Variants in IGF2BP1 observed in about 807,000 individuals in gnomAD.
The protein encoded by IGF2BP1 is insulin-like growth factor 2 mRNA-binding protein 1.
IGF2BP1 carries 11 observed loss-of-function variants against 74.9 expected under a neutral mutation model. The observed-to-expected ratio is 0.15, with a 90% confidence interval of 0.09 to 0.24. The LOEUF (loss-of-function observed/expected upper bound fraction) is 0.24. Ranked by LOEUF, IGF2BP1 falls within the 10% of genes least tolerant of loss-of-function variation. The probability of loss-of-function intolerance (pLI) is 1.00; values close to 1 mark genes in which losing one functional copy is unlikely to be tolerated. For missense variants in IGF2BP1, 440 were observed against 757.4 expected (o/e 0.58, Z 4.92); for synonymous variants, 287 against 281.8 (o/e 1.02, Z -0.18).
At chr17:49,007,177 T>C (rs946532533) in intron 2 of IGF2BP1, among the ~76,000 whole-genome samples, 3 of 152,112 alleles carry the variant, frequency 2.0e-5, no homozygotes, top group African/African-American at 7.2e-5. Flanking sequence ...TCTGCTGGGA[T>C]GGGTATGTTC....
intron 4 of IGF2BP1, among the ~76,000 whole-genome samples, chr17:49,026,808 A>G (rs1233568935): frequency 3.3e-5 from 5 of 151,648 alleles, no homozygotes; most frequent in Admixed American, 2.6e-4. Flanking sequence ...AAGTGGCGCA[A>G]TCTCGGCTCA....
intron 2 of IGF2BP1, among the ~76,000 whole-genome samples, chr17:49,019,089 A>T (rs1205532415): frequency 6.6e-6 from 1 of 151,866 alleles, no homozygotes; most frequent in East Asian, 1.9e-4. Flanking sequence ...CCCTCTAGGG[A>T]GGGGTGAGGG....
intron 2 of IGF2BP1, among the ~76,000 whole-genome samples, chr17:49,017,237 T>C (rs2088140): frequency 0.58 from 88,300 of 151,784 alleles, 26,790 homozygotes; most frequent in African/African-American, 0.74. Flanking sequence ...AGTGAGCAGC[T>C]CTCCCTCACT....
At chr17:49,032,147 G>T (rs980578745) in intron 5 of IGF2BP1, among the ~76,000 whole-genome samples, 174 bp downstream of exon 5, 2 of 152,044 alleles carry the variant, frequency 1.3e-5, no homozygotes, top group African/African-American at 2.4e-5. Context: ...TTCTTCAGGG[G>T]GTCTCCTTCA....
At chr17:49,040,616 T>A (rs1296505587) in intron 7 of IGF2BP1, among the ~76,000 whole-genome samples, 2 of 152,280 alleles carry the variant, frequency 1.3e-5, no homozygotes, top group African/African-American at 2.4e-5. Context: ...TGTGTGCCTG[T>A]GTGTATTCAC....
intron 2 of IGF2BP1, among the ~76,000 whole-genome samples, chr17:49,015,656 A>G (rs1213630349): frequency 6.6e-6 from 1 of 152,142 alleles, no homozygotes; most frequent in Admixed American, 6.5e-5. Context: ...CTGTGCTTCC[A>G]CATGACCACT....
chr17:49,014,894 C>G (rs769937710), intron 2 of IGF2BP1: 1 of 985,362 alleles, frequency 1.0e-6, no homozygotes, highest in Non-Finnish European at 1.2e-6. Flanking sequence ...TCTCCTGGCT[C>G]CTGAGAGGGC....
chr17:48,999,392 T>C (rs2041456676), intron 2 of IGF2BP1, among the ~76,000 whole-genome samples: 1 of 151,806 alleles, frequency 6.6e-6, no homozygotes, highest in South Asian at 2.1e-4. Context: ...TGGGGTAGGC[T>C]AAAAGATGTT....
rs2042180860 is a variant in IGF2BP1 at position 49,052,676 on chromosome 17, G to A, written c.*3232G>A. 6.6e-6 allele frequency: 1 copy of A among 152,536 alleles called. No individual in the cohort carries two copies. Among genetic ancestry groups the A allele is most frequent in the South Asian group, 2.1e-4 (1 of 4,820 alleles). 9.4% of individuals were successfully genotyped at this position (152,536 alleles called of 1,614,324 possible). On this transcript the variant is annotated 3_prime_UTR_variant, in exon 15 of 15. Coordinates refer to ENST00000290341, the MANE Select transcript of IGF2BP1 (RefSeq NM_006546.4). ...GGGCCGGGCCCTCTTGTGCCCCGTA[G>A]GCTAGGTCTTAGGGCAACTCCTTGC... is the stretch of plus-strand genomic sequence containing the variant.
At chr17:49,006,898 G>A (rs115591130) in intron 2 of IGF2BP1, among the ~76,000 whole-genome samples, 2,323 of 152,266 alleles carry the variant, frequency 0.015, 53 homozygotes, top group African/African-American at 0.053. Flanking sequence ...GAGATGAGGC[G>A]AGCATGGTGG....
intron 2 of IGF2BP1, among the ~76,000 whole-genome samples, chr17:49,019,782 C>T (rs1463603554): frequency 2.0e-5 from 3 of 150,444 alleles, no homozygotes; most frequent in Admixed American, 6.6e-5. Flanking sequence ...CTCACTCTCT[C>T]ACCCAGGCCG....
chr17:48,997,763 C>CG lies in IGF2BP1; in HGVS notation c.20dup (p.Asn8GlnfsTer64). On this transcript the variant is annotated frameshift_variant, in exon 1 of 15. Transcript: ENST00000290341. LOFTEE classifies it high-confidence loss of function. The surrounding 1 kb of genome is among the most constrained non-coding windows in gnomAD (Gnocchi z 4.8). ...CCGCCACCATGAACAAGCTTTACATCGGCAACCTCAACGAGAGCGTGACCC... is the reference window on the plus strand; with the variant it reads ...CCGCCACCATGAACAAGCTTTACATCGGGCAACCTCAACGAGAGCGTGACCC... The CG allele has an allele frequency of 6.2e-7, 1 of 1,613,870 alleles. No homozygotes were observed. The highest frequency in any genetic ancestry group is 8.5e-7 in the Non-Finnish European group (1 of 1,179,858).
In IGF2BP1 at chr17:49,049,819, A is replaced by C; in HGVS notation, c.*375A>C. On this transcript the variant is annotated 3_prime_UTR_variant, in exon 15 of 15. Coordinates refer to ENST00000290341, the MANE Select transcript of IGF2BP1 (RefSeq NM_006546.4). ...GCAGAGAGGTGTTTTAATCAGCCTT[A>C]AAGGATGGTTCATTTCTTGACCTTA... is the stretch of plus-strand genomic sequence containing the variant. 6.1e-6 allele frequency: 1 copy of C among 165,128 alleles called. No homozygotes were observed. The highest frequency in any genetic ancestry group is 1.3e-5 in the Non-Finnish European group (1 of 76,400). The allele number at this position is 165,128 out of a possible 1,614,324, so 10.2% of individuals were successfully genotyped here.
Position 49,046,340 on chromosome 17 carries a change from C to T in IGF2BP1, c.1608C>T (p.Ile536=). 2 of 1,614,008 alleles carry T rather than the reference C, an allele frequency of 1.2e-6. No individual in the cohort carries two copies. The highest frequency in any genetic ancestry group is 1.3e-5 in the African/African-American group (1 of 74,996). Reference sequence around the variant, plus strand: ...CCCCTGATGAGAACGACCAGGTCATCGTGAAAATCATCGGACATTTCTATG... The same window carrying T: ...CCCCTGATGAGAACGACCAGGTCATTGTGAAAATCATCGGACATTTCTATG... ...DQTPDENDQV[I]VKIIGHFYAS... is the part of the protein sequence containing the mutation. The change falls in exon 14 of 15, where the codon ATC becomes ATT. Residue 536 remains isoleucine, a synonymous_variant. Transcript: ENST00000290341.
rs1482132501 is a variant in IGF2BP1, at chr17:49,049,339, G to A, written c.1642-13G>A. On this transcript the variant is annotated splice_polypyrimidine_tract_variant and intron_variant, in intron 14 of 14. Transcript: ENST00000290341. Reference sequence around the variant, plus strand: ...AGGTCTCACACCCACTCTCTTGCCTGTTCTTGCTGCAGATGGCTCAACGGA... The same window carrying A: ...AGGTCTCACACCCACTCTCTTGCCTATTCTTGCTGCAGATGGCTCAACGGA... The A allele has an allele frequency of 6.2e-7, 1 of 1,613,584 alleles. No individual in the cohort carries two copies. Among genetic ancestry groups the A allele is most frequent in the Non-Finnish European group, 8.5e-7 (1 of 1,179,664 alleles).
At chr17:49,036,421 A>G (rs1598152476) in intron 5 of IGF2BP1, 1 of 152,154 alleles carries the variant, frequency 6.6e-6, no homozygotes, top group South Asian at 2.1e-4. Flanking sequence ...CTGCGCGAAG[A>G]TGGCACGCAA....
chr17:49,021,004 G>GA (rs1419276204), intron 2 of IGF2BP1, among the ~76,000 whole-genome samples: 5 of 150,882 alleles, frequency 3.3e-5, no homozygotes, highest in Non-Finnish European at 1.5e-5. Context: ...AGCCAGGCGT[G>GA]ATGGCGCATG....
intron 2 of IGF2BP1, among the ~76,000 whole-genome samples, chr17:49,011,030 G>A (rs2041610753): frequency 2.0e-5 from 3 of 150,586 alleles, no homozygotes; most frequent in East Asian, 1.9e-4. Flanking sequence ...CCAGCTTCTC[G>A]GGGAGGCTAA....
At chr17:49,032,057 A>G (rs951360994) in intron 5 of IGF2BP1, 84 bp downstream of exon 5, 81 of 1,216,968 alleles carry the variant, frequency 6.7e-5, no homozygotes, top group East Asian at 7.0e-5. Flanking sequence ...CTTTTTCCTC[A>G]GGGGGGTCTA....
Sources: allele counts gnomAD v4.1 joint callset (sites outside exome capture counted in the v4.1 genomes callset), GRCh38; gene constraint gnomAD v4.1.1; non-coding constraint Gnocchi (gnomAD v3.1); transcripts MANE v1.5; gene names NCBI Gene and HGNC (gene_info 2026-07-23, HGNC 2026-07-21).